Variants in PPM1L observed in about 807,000 individuals in gnomAD.
PPM1L encodes the protein protein phosphatase, Mg2+/Mn2+ dependent 1L.
A neutral mutation model predicts 31.4 loss-of-function variants in PPM1L; 13 were observed. That is an observed-to-expected ratio of 0.41 (90% CI 0.27 to 0.66). PPM1L has a LOEUF of 0.66. Ranked by LOEUF, PPM1L falls within the 30% of genes least tolerant of loss-of-function variation. The pLI is 0.29. For synonymous variants in PPM1L, 184 were observed against 175.4 expected, an observed-to-expected ratio of 1.05 and a Z score of -0.39; for missense variants, 326 against 453.7, an observed-to-expected ratio of 0.72 and a Z score of 2.56.
chr3:160,977,768 A>T (rs1576757514), intron 2 of PPM1L, among the ~76,000 whole-genome samples: 1 of 152,348 alleles, frequency 6.6e-6, no homozygotes, highest in South Asian at 2.1e-4. Context: ...AATATACTTT[A>T]ATTAAGCATC....
chr3:160,981,746 T>C (rs1297897349), intron 2 of PPM1L, among the ~76,000 whole-genome samples: 1 of 149,120 alleles, frequency 6.7e-6, no homozygotes, highest in African/African-American at 2.5e-5. Context: ...ATTTATTTAT[T>C]TATTTATTTA....
At chr3:160,818,808 C>A (rs948534730) in intron 1 of PPM1L, among the ~76,000 whole-genome samples, 1 of 151,912 alleles carries the variant, frequency 6.6e-6, no homozygotes, top group African/African-American at 2.4e-5. Context: ...TGGTATTTAG[C>A]ATATCCATTA....
At chr3:160,771,862 CTGTT>C (rs1444108006) in intron 1 of PPM1L, among the ~76,000 whole-genome samples, 1 of 151,406 alleles carries the variant, frequency 6.6e-6, no homozygotes, top group Admixed American at 6.6e-5. Context: ...TTTATATTTG[CTGTT>C]TGTTTTTTTT....
At chr3:160,816,151 A>G (rs926162703) in intron 1 of PPM1L, among the ~76,000 whole-genome samples, 8 of 152,120 alleles carry the variant, frequency 5.3e-5, no homozygotes, top group African/African-American at 1.2e-4. Flanking sequence ...CTAGATTTCA[A>G]TTAAACTGAT....
intron 1 of PPM1L, among the ~76,000 whole-genome samples, chr3:160,786,147 C>CTGTGTGTGTG (rs1560106654): frequency 1.2e-4 from 11 of 91,144 alleles, no homozygotes; most frequent in African/African-American, 9.1e-4. Flanking sequence ...CTCTCTCTCT[C>CTGTGTGTGTG]TCTCTCTCTC....
At position 161,065,434 on chromosome 3, in the gene PPM1L, T is replaced by C. The variant is rs151074448; in HGVS notation, c.606T>C (p.Asp202=). The C allele has an allele frequency of 2.0e-3, 3,186 of 1,614,058 alleles. 7 individuals carry two copies. Among genetic ancestry groups the C allele is most frequent in the Non-Finnish European group, 2.4e-3 (2,840 of 1,179,958 alleles). Residue 202 remains aspartate, a synonymous_variant, in exon 3 of 4, where the codon GAT becomes GAC. Transcript: ENST00000498165. ...GTTCLIALLS[D]KDLTVANVGD... The stretch of plus-strand genomic sequence containing the variant: ...CGTGTTTGATTGCTCTGCTATCAGA[T>C]AAAGACCTCACTGTGGCCAACGTGG...
intron 1 of PPM1L, among the ~76,000 whole-genome samples, chr3:160,869,991 CTCAA>C (rs1466187403): frequency 1.3e-5 from 2 of 152,148 alleles, no homozygotes; most frequent in East Asian, 3.8e-4. Context: ...GCCACTGTTA[CTCAA>C]TCCCTCCTGA....
intron 2 of PPM1L, among the ~76,000 whole-genome samples, chr3:161,050,321 C>A (rs989705040): frequency 6.6e-6 from 1 of 151,936 alleles, no homozygotes; most frequent in Non-Finnish European, 1.5e-5. Flanking sequence ...TGACAAAAGA[C>A]CCTCAGTAGG....
intron 2 of PPM1L, among the ~76,000 whole-genome samples, chr3:160,963,877 G>A (rs770452989): frequency 1.3e-5 from 2 of 152,016 alleles, no homozygotes; most frequent in Non-Finnish European, 2.9e-5. Context: ...AATAAGCCCT[G>A]TAGCATGAAA....
chr3:160,893,991 T>G (rs370757875), intron 1 of PPM1L, among the ~76,000 whole-genome samples: 163 of 152,322 alleles, frequency 1.1e-3, no homozygotes, highest in African/African-American at 3.8e-3. Flanking sequence ...CTTGCTCAAC[T>G]AGGCTAATGT....
chr3:161,037,696 T>C (rs1055204786), intron 2 of PPM1L, among the ~76,000 whole-genome samples: 1 of 149,914 alleles, frequency 6.7e-6, no homozygotes, highest in Admixed American at 6.7e-5. Context: ...CCTCCCAAAG[T>C]GCTGGGATTA....
In PPM1L at chr3:160,931,510, C is replaced by T. The variant is rs563396216; in HGVS notation, c.400-30226C>T. 8.3e-4 allele frequency among the ~76,000 whole-genome samples: 127 copies of T among 152,310 alleles called. 1 individual carries two copies. The highest frequency in any genetic ancestry group is 2.9e-3 in the African/African-American group (119 of 41,554). ...AGAGTTTGCTATCTAATGGGGGAAACAAGACATCACACATTGTCATGCCCA... is the reference window on the plus strand; with the variant it reads ...AGAGTTTGCTATCTAATGGGGGAAATAAGACATCACACATTGTCATGCCCA... On this transcript the variant is annotated intron_variant, in intron 1 of 3. Transcript: ENST00000498165.
chr3:160,955,887 C>T (rs1415273291), intron 1 of PPM1L, among the ~76,000 whole-genome samples: 1 of 152,044 alleles, frequency 6.6e-6, no homozygotes, highest in Admixed American at 6.5e-5. Flanking sequence ...ATCTCCTGAC[C>T]TCATGATCCG....
intron 1 of PPM1L, among the ~76,000 whole-genome samples, chr3:160,917,427 A>T (rs1047893803): frequency 6.6e-6 from 1 of 151,384 alleles, no homozygotes; most frequent in Non-Finnish European, 1.5e-5. Context: ...TTCTGGCCTT[A>T]ATTATCTTGA....
In PPM1L at chr3:161,073,856, CG is replaced by C. The variant is rs1720019445; in HGVS notation, c.*4701del. ...GATTACAGGTGTGAGCCACTGCACC[CG>C]GCCATCCCTTTCTTTTATATGAATA... On this transcript the variant is annotated 3_prime_UTR_variant, in exon 4 of 4. Transcript: ENST00000498165. The C allele has an allele frequency of 6.6e-6, 1 of 152,192 alleles. No individual in the cohort carries two copies. Among genetic ancestry groups the C allele is most frequent in the Non-Finnish European group, 1.5e-5 (1 of 68,044 alleles). 9.4% of individuals were successfully genotyped at this position (152,192 alleles called of 1,614,324 possible).
In PPM1L at chr3:160,966,333, T is replaced by C. The variant is rs748536461; in HGVS notation, c.574+4423T>C. On this transcript the variant is annotated intron_variant, in intron 2 of 3. Transcript: ENST00000498165. ...GTAGAACAGTATAATATGAGAATAA[T>C]AATTGTCAGTAATCTTACTATTGTA... 2.7e-4 allele frequency among the ~76,000 whole-genome samples: 41 copies of C among 152,174 alleles called. 3 individuals carry two copies. Among genetic ancestry groups the C allele is most frequent in the Non-Finnish European group, 4.3e-4 (29 of 68,026 alleles).
chr3:160,756,919 T>C lies in PPM1L; in HGVS notation c.399+212T>C, dbSNP rs1383188931. ...AAAAGCACTGCTGGATCCAGACTTC[T>C]TGGTGCTGAGGGTCCACTTTAGGGA... On this transcript the variant is annotated intron_variant, in intron 1 of 3. Coordinates refer to ENST00000498165, the MANE Select transcript of PPM1L (RefSeq NM_139245.4). This position sits in a 1 kb window ranked among gnomAD's most constrained non-coding sequence, Gnocchi z 6.2. 6.6e-6 allele frequency among the ~76,000 whole-genome samples: 1 copy of C among 151,996 alleles called. No homozygotes were observed. Among genetic ancestry groups the C allele is most frequent in the Non-Finnish European group, 1.5e-5 (1 of 67,996 alleles).
At chr3:160,898,713 A>G (rs903419225) in intron 1 of PPM1L, among the ~76,000 whole-genome samples, 3 of 152,172 alleles carry the variant, frequency 2.0e-5, no homozygotes, top group African/African-American at 4.8e-5. Context: ...TTCAGCAGAC[A>G]TTCATGAAGA....
intron 1 of PPM1L, among the ~76,000 whole-genome samples, chr3:160,813,002 G>T (rs1192702947): frequency 6.6e-6 from 1 of 152,128 alleles, no homozygotes. Flanking sequence ...ATTCTACAGG[G>T]ATATTCCTTT....
Sources: allele counts gnomAD v4.1 joint callset (sites outside exome capture counted in the v4.1 genomes callset), GRCh38; gene constraint gnomAD v4.1.1; non-coding constraint Gnocchi (gnomAD v3.1); transcripts MANE v1.5; gene names NCBI Gene and HGNC (gene_info 2026-07-23, HGNC 2026-07-21).